The following PLCZ1 variants were observed in gnomAD, a reference collection of about 807,000 sequenced individuals.
The protein encoded by PLCZ1 is phospholipase C zeta 1.
In PLCZ1, 64 loss-of-function variants were observed where a neutral mutation model predicts 76.8. The ratio of observed to expected loss-of-function variants is 0.83; its 90% CI spans 0.68 to 1.03. PLCZ1 has a LOEUF of 1.03. Among genes scored for constraint, PLCZ1 ranks in the 50% least tolerant of loss-of-function variants. The pLI is 0.00. For synonymous variants in PLCZ1, 248 were observed against 230.8 expected, an observed-to-expected ratio of 1.07 and a Z score of -0.68; for missense variants, 751 against 713.7, an observed-to-expected ratio of 1.05 and a Z score of -0.60.
intron 2 of PLCZ1, among the ~76,000 whole-genome samples, chr12:18,737,079 A>T (rs1959420567): frequency 6.6e-6 from 1 of 152,178 alleles, no homozygotes; most frequent in African/African-American, 2.4e-5. Context: ...GTATAGGTAA[A>T]AATTGTGCAA....
At chr12:18,674,141 A>G in the PLCZ1 span, among the ~76,000 whole-genome samples, 1 of 152,224 alleles carries the variant, frequency 6.6e-6, no homozygotes, top group Non-Finnish European at 1.5e-5. Flanking sequence ...GGAAAAGCAT[A>G]TAGAAACACA....
At chr12:18,651,881 G>A in the PLCZ1 span, among the ~76,000 whole-genome samples, 19 of 152,190 alleles carry the variant, frequency 1.2e-4, no homozygotes, top group Non-Finnish European at 2.2e-4. Context: ...TAAATAGAAG[G>A]GCATGAAGGA....
intron 3 of PLCZ1, among the ~76,000 whole-genome samples, chr12:18,731,794 T>C (rs1340935048): frequency 6.6e-6 from 1 of 152,132 alleles, no homozygotes; most frequent in East Asian, 1.9e-4. Context: ...AAGAAATTTG[T>C]CATCTTCCTA....
chr12:18,649,331 C>T, the PLCZ1 span, among the ~76,000 whole-genome samples: 22,291 of 151,982 alleles, frequency 0.15, 2,063 homozygotes, highest in East Asian at 0.42. Flanking sequence ...GAAGAACTAC[C>T]CATGCTCCTA....
At chr12:18,655,613 G>T in the PLCZ1 span, among the ~76,000 whole-genome samples, 1 of 152,132 alleles carries the variant, frequency 6.6e-6, no homozygotes, top group Non-Finnish European at 1.5e-5. Context: ...GACAAATACT[G>T]CCTCAGGCAG....
intron 7 of PLCZ1, among the ~76,000 whole-genome samples, chr12:18,702,480 G>C (rs936246880): frequency 6.6e-6 from 1 of 152,160 alleles, no homozygotes; most frequent in South Asian, 2.1e-4. Flanking sequence ...GCTGAAATCT[G>C]GGTTATAAAG....
chr12:18,735,421 C>A (rs1210573814), intron 3 of PLCZ1, among the ~76,000 whole-genome samples: 1 of 152,002 alleles, frequency 6.6e-6, no homozygotes, highest in Non-Finnish European at 1.5e-5. Flanking sequence ...CTGATTAAGT[C>A]TCCAAACAGG....
chr12:18,697,081 A>G (rs969185487), intron 10 of PLCZ1, among the ~76,000 whole-genome samples: 1 of 152,084 alleles, frequency 6.6e-6, no homozygotes, highest in Non-Finnish European at 1.5e-5. Context: ...ATTTTTGAAC[A>G]CAAATTTCAT....
At chr12:18,675,816 T>C in the PLCZ1 span, among the ~76,000 whole-genome samples, 2 of 149,406 alleles carry the variant, frequency 1.3e-5, no homozygotes, top group African/African-American at 4.9e-5. Flanking sequence ...GAGCTAACAA[T>C]AAGTACAAAT....
intron 11 of PLCZ1, among the ~76,000 whole-genome samples, chr12:18,695,628 G>A (rs1025050586): frequency 1.3e-5 from 2 of 151,938 alleles, no homozygotes; most frequent in Non-Finnish European, 2.9e-5. Context: ...TACAGGCCTT[G>A]CCACAATCCA....
chr12:18,696,177 C>G lies in PLCZ1; in HGVS notation c.1264G>C (p.Glu422Gln), dbSNP rs530423672. The stretch of plus-strand genomic sequence containing the variant: ...ATTTGACAACCTATATTCCAAAATT[C>G]TTGGGGATTAAAATTAGAAGAGTCT... ...RADSSNFNPQ[E>Q]FWNIGCQMVA... is the part of the protein sequence containing the mutation. Residue 422 changes from glutamate (E) to glutamine (Q), a missense_variant, in exon 11 of 15, where the codon GAA becomes CAA. Transcript: ENST00000266505. 1.9e-6 allele frequency: 3 copies of G among 1,578,514 alleles called. No individual in the cohort carries two copies. The highest frequency in any genetic ancestry group is 1.7e-6 in the Non-Finnish European group (2 of 1,151,334).
In PLCZ1 at chr12:18,701,502, T is replaced by C; in HGVS notation, c.1016A>G (p.Lys339Arg). ...GATTTTCACAAAACACCACCTCACCTTCTTTTTCTTGAAAAGCATTACTCC... is the reference window on the plus strand; with the variant it reads ...GATTTTCACAAAACACCACCTCACCCTCTTTTTCTTGAAAAGCATTACTCC... ...LPGVMLFKKKKTRKLKIALAL... is the reference protein window; with the variant it reads ...LPGVMLFKKKRTRKLKIALAL... Residue 339 changes from lysine (K) to arginine (R), a missense_variant and splice_region_variant, in exon 9 of 15, where the codon AAG (lysine) becomes AGG (arginine). By Grantham distance (26) the Lys-to-Arg change is conservative (BLOSUM62 2). Transcript: ENST00000266505. 6.2e-7 allele frequency: 1 copy of C among 1,614,100 alleles called. No homozygotes were observed. Among genetic ancestry groups the C allele is most frequent in the Non-Finnish European group, 8.5e-7 (1 of 1,179,994 alleles).
At chr12:18,719,998 G>A (rs772216999) in intron 4 of PLCZ1, among the ~76,000 whole-genome samples, 4 of 152,006 alleles carry the variant, frequency 2.6e-5, no homozygotes, top group Admixed American at 6.6e-5. Flanking sequence ...GCCTGCCTCC[G>A]ACTAACTTCC....
chr12:18,684,188 T>G lies in PLCZ1; in HGVS notation c.1683A>C (p.Leu561Phe). 6.2e-7 allele frequency: 1 copy of G among 1,612,338 alleles called. No homozygotes were observed. Among genetic ancestry groups the G allele is most frequent in the East Asian group, 2.2e-5 (1 of 44,766 alleles). ...GCCCAAGAAATTCATTTCCTGCTATTAAACCTTGACCTTCAACAACAAAAC... is the reference window on the plus strand; with the variant it reads ...GCCCAAGAAATTCATTTCCTGCTATGAAACCTTGACCTTCAACAACAAAAC... ...LIRFVVEGQG[L>F]IAGNEFLGQY... is the part of the protein sequence containing the mutation. The change falls in exon 14 of 15, where the codon TTA becomes TTC. Residue 561 changes from leucine to phenylalanine, a missense_variant. By Grantham distance (22) the Leu-to-Phe change is conservative. Coordinates refer to ENST00000266505, the MANE Select transcript of PLCZ1 (RefSeq NM_033123.4).
At chr12:18,655,611 C>T in the PLCZ1 span, among the ~76,000 whole-genome samples, 2,879 of 152,186 alleles carry the variant, frequency 0.019, 37 homozygotes, top group Middle Eastern at 0.048. Flanking sequence ...CTGACAAATA[C>T]TGCCTCAGGC....
At chr12:18,675,893 G>A in the PLCZ1 span, among the ~76,000 whole-genome samples, 3 of 151,964 alleles carry the variant, frequency 2.0e-5, no homozygotes, top group African/African-American at 7.2e-5. Context: ...GGTGAGGTTT[G>A]AGATTTTACT....
intron 12 of PLCZ1, chr12:18,693,606 G>A (rs545444277): frequency 8.3e-6 from 13 of 1,573,420 alleles, no homozygotes; most frequent in Non-Finnish European, 1.0e-5. Flanking sequence ...GCTGAAGAAC[G>A]TGCACCGTCC....
chr12:18,710,452 A>G (rs1274505963), intron 6 of PLCZ1, among the ~76,000 whole-genome samples: 1 of 151,980 alleles, frequency 6.6e-6, no homozygotes, highest in Non-Finnish European at 1.5e-5. Flanking sequence ...ATAGGTAATG[A>G]AAAACTGACC....
chr12:18,677,011 A>G, the PLCZ1 span, among the ~76,000 whole-genome samples: 5 of 152,206 alleles, frequency 3.3e-5, no homozygotes, highest in African/African-American at 1.2e-4. Context: ...TATTTGTCAT[A>G]AATCACCATG....
Sources: gnomAD v4.1 joint callset for allele counts (sites outside exome capture counted in the v4.1 genomes callset) on GRCh38, gnomAD v4.1.1 for gene constraint, MANE v1.5 for transcripts, NCBI Gene and HGNC (gene_info 2026-07-23, HGNC 2026-07-21) for gene names.